Variants in MGAT3 observed in about 807,000 individuals in gnomAD.
MGAT3 encodes GlcNAc-T III.
MGAT3 carries 9 observed loss-of-function variants against 29.8 expected under a neutral mutation model. The ratio of observed to expected loss-of-function variants is 0.30; its 90% CI spans 0.18 to 0.53. MGAT3 has a LOEUF of 0.53. MGAT3 is among the 20% of genes least tolerant of loss of function. The probability of loss-of-function intolerance (pLI) is 0.96; values close to 1 mark genes in which losing one functional copy is unlikely to be tolerated. For synonymous variants in MGAT3, 397 were observed against 348.9 expected (o/e 1.14, Z -1.54); for missense variants, 557 against 769.5 (o/e 0.72, Z 3.27).
At chr22:39,467,087 T>C (rs1928669467) in intron 1 of MGAT3, among the ~76,000 whole-genome samples, 1 of 152,258 alleles carries the variant, frequency 6.6e-6, no homozygotes, top group Admixed American at 6.5e-5. Flanking sequence ...TACATGTGTA[T>C]GCACACAGCA....
chr22:39,461,129 A>G (rs1928486375), intron 1 of MGAT3, among the ~76,000 whole-genome samples: 1 of 152,060 alleles, frequency 6.6e-6, no homozygotes, highest in South Asian at 2.1e-4. Flanking sequence ...TCCTCCCCAT[A>G]TGGCTGATTT....
At chr22:39,474,870 C>A (rs1224488120) in intron 1 of MGAT3, among the ~76,000 whole-genome samples, 2 of 152,220 alleles carry the variant, frequency 1.3e-5, no homozygotes, top group African/African-American at 4.8e-5. Flanking sequence ...GCCCTCGGGC[C>A]CTCCTGAAAT....
intron 1 of MGAT3, among the ~76,000 whole-genome samples, chr22:39,458,028 T>C (rs1383094652): frequency 6.6e-6 from 1 of 151,924 alleles, no homozygotes; most frequent in African/African-American, 2.4e-5. Flanking sequence ...CCAAGCGCAG[T>C]CGGGGGCTGG....
At chr22:39,460,983 C>T (rs1314138695) in intron 1 of MGAT3, among the ~76,000 whole-genome samples, 10 of 152,080 alleles carry the variant, frequency 6.6e-5, no homozygotes, top group Non-Finnish European at 1.2e-4. Flanking sequence ...CTGATGTCTT[C>T]CTTTTCTGAC....
chr22:39,463,127 C>T (rs994783440), intron 1 of MGAT3, among the ~76,000 whole-genome samples: 4 of 152,200 alleles, frequency 2.6e-5, no homozygotes, highest in African/African-American at 4.8e-5. Context: ...CCTTGGCCTC[C>T]GGGTCATCAT....
Position 39,487,212 on chromosome 22 carries a change from T to C in MGAT3, c.-1-135T>C. The C allele has an allele frequency of 2.2e-6, 2 of 920,890 alleles. No homozygotes were observed. Among genetic ancestry groups the C allele is most frequent in the Non-Finnish European group, 3.3e-6 (2 of 606,406 alleles). 57.0% of individuals were successfully genotyped at this position (920,890 alleles called of 1,614,324 possible). On this transcript the variant is annotated intron_variant, in intron 1 of 1. Coordinates refer to ENST00000341184, the MANE Select transcript of MGAT3 (RefSeq NM_002409.5). This position sits in a 1 kb window ranked among gnomAD's most constrained non-coding sequence, Gnocchi z 5.7. ...CGAGTTGACTCTTGGGGGCAGGAGG[T>C]CACTCCATGCAGGGGCAGCAGGTGC...
Position 39,487,684 on chromosome 22 carries a change from G to A in MGAT3, c.337G>A (p.Ala113Thr), listed in dbSNP as rs1435992202. The A allele has an allele frequency of 1.9e-6, 3 of 1,597,802 alleles. No homozygotes were observed. Among genetic ancestry groups the A allele is most frequent in the Non-Finnish European group, 2.6e-6 (3 of 1,171,868 alleles). Residue 113 changes from alanine (A) to threonine (T), a missense_variant, in exon 2 of 2, where the codon GCC becomes ACC. This residue lies in a region of MGAT3 where 212 missense variants were observed against 228.5 expected (regional missense o/e 0.93). Transcript: ENST00000341184. The surrounding 1 kb of genome is among the most constrained non-coding windows in gnomAD (Gnocchi z 5.7). ...DTTEYFVRTK[A>T]GGVCFKPGTK... ...CACCGAGTATTTCGTGCGCACCAAG[G>A]CCGGCGGCGTCTGCTTCAAACCCGG... is the stretch of plus-strand genomic sequence containing the variant.
At chr22:39,485,299 G>T (rs2145726072) in intron 1 of MGAT3, among the ~76,000 whole-genome samples, 1 of 152,304 alleles carries the variant, frequency 6.6e-6, no homozygotes, top group African/African-American at 2.4e-5. Context: ...GTGCTCTGTG[G>T]CTGCACGGCT....
At chr22:39,479,475 T>C (rs1929061737) in intron 1 of MGAT3, among the ~76,000 whole-genome samples, 3 of 152,158 alleles carry the variant, frequency 2.0e-5, no homozygotes, top group Non-Finnish European at 4.4e-5. Context: ...TCCCAGCCCC[T>C]GGCCCCTCCC....
Position 39,488,313 on chromosome 22 carries a change from G to C in MGAT3, c.966G>C (p.Pro322=). 1 of 1,611,812 alleles carries C rather than the reference G, an allele frequency of 6.2e-7. No individual in the cohort carries two copies. Among genetic ancestry groups the C allele is most frequent in the Non-Finnish European group, 8.5e-7 (1 of 1,180,006 alleles). The change falls in exon 2 of 2, where the codon CCG becomes CCC. Residue 322 remains proline (P), a synonymous_variant. Transcript: ENST00000341184. ...TCATTGACGATGCGGACGAGATCCC[G>C]GCCCGTGACGGCGTCCTTTTCCTCA... The part of the protein sequence containing the change: ...VFIIDDADEI[P]ARDGVLFLKL...
chr22:39,476,785 A>C (rs537736013), intron 1 of MGAT3: 21 of 152,298 alleles, frequency 1.4e-4, no homozygotes, highest in African/African-American at 4.3e-4. Context: ...TGCAAAATGG[A>C]GACACACATA....
intron 1 of MGAT3, chr22:39,476,444 A>C (rs1928966517): frequency 6.6e-6 from 1 of 152,318 alleles, no homozygotes; most frequent in South Asian, 2.1e-4. Context: ...TGGGCACAGC[A>C]GAAGCTGTCT....
intron 1 of MGAT3, among the ~76,000 whole-genome samples, chr22:39,469,106 C>G (rs2145714387): frequency 6.8e-6 from 1 of 146,036 alleles, no homozygotes; most frequent in Admixed American, 6.9e-5. Flanking sequence ...GGACTGACTG[C>G]CTTGGTGGTG....
rs776996531 is a variant in MGAT3, at chr22:39,487,530, C to T, written c.183C>T (p.Ser61=). Residue 61 remains serine, a synonymous_variant, in exon 2 of 2, where the codon AGC becomes AGT. Transcript: ENST00000341184. The surrounding 1 kb of genome is among the most constrained non-coding windows in gnomAD (Gnocchi z 5.7). ...ATGCCCCGGTCACGCCCCAGGCCAG[C>T]CCCGAGCCAGGAGGCCCTGACCTGC... ...WNNAPVTPQA[S]PEPGGPDLLR... 4 of 1,613,168 alleles carry T rather than the reference C, an allele frequency of 2.5e-6. No homozygotes were observed. The highest frequency in any genetic ancestry group is 3.4e-6 in the Non-Finnish European group (4 of 1,180,012).
At chr22:39,472,246 A>G (rs951114872) in intron 1 of MGAT3, among the ~76,000 whole-genome samples, 1 of 152,106 alleles carries the variant, frequency 6.6e-6, no homozygotes, top group African/African-American at 2.4e-5. Context: ...CCAAAAGGCT[A>G]TGGACTCCTG....
At chr22:39,472,058 C>T (rs913453797) in intron 1 of MGAT3, among the ~76,000 whole-genome samples, 1 of 152,040 alleles carries the variant, frequency 6.6e-6, no homozygotes, top group Non-Finnish European at 1.5e-5. Context: ...AGCCTCCTTC[C>T]AGGGTAGGGT....
chr22:39,472,329 C>T (rs919985962), intron 1 of MGAT3, among the ~76,000 whole-genome samples: 3 of 152,188 alleles, frequency 2.0e-5, no homozygotes, highest in Non-Finnish European at 4.4e-5. Context: ...GGTACTTTGT[C>T]AGAGACTCGG....
In MGAT3 at chr22:39,462,048, C is replaced by T. The variant is rs150276089; in HGVS notation, c.-2+4491C>T. Among the ~76,000 whole-genome samples the T allele has an allele frequency of 8.4e-3, 1,285 of 152,224 alleles. 23 individuals carry two copies. Among genetic ancestry groups the T allele is most frequent in the East Asian group, 0.043 (223 of 5,178 alleles). The stretch of plus-strand genomic sequence containing the variant: ...TCCCGAGCAGCTGGGAGTATAGGCA[C>T]GTGCCACCATGCCCAGCTAATTTTT... On this transcript the variant is annotated intron_variant, in intron 1 of 1. Coordinates refer to ENST00000341184, the MANE Select transcript of MGAT3 (RefSeq NM_002409.5).
chr22:39,488,358 C>T lies in MGAT3; in HGVS notation c.1011C>T (p.Thr337=), dbSNP rs774261304. The T allele has an allele frequency of 3.1e-6, 5 of 1,612,452 alleles. No homozygotes were observed. The highest frequency in any genetic ancestry group is 3.3e-5 in the Admixed American group (2 of 60,012). ...VLFLKLYDGW[T]EPFAFHMRKS... ...TCCTCAAGCTCTACGATGGCTGGAC[C>T]GAGCCCTTCGCCTTCCACATGCGCA... Residue 337 remains threonine (T), a synonymous_variant, in exon 2 of 2, where the codon ACC becomes ACT. Transcript: ENST00000341184.
Sources: allele counts gnomAD v4.1 joint callset (sites outside exome capture counted in the v4.1 genomes callset), GRCh38; gene constraint gnomAD v4.1.1; regional missense constraint gnomAD v4.1.1; non-coding constraint Gnocchi (gnomAD v3.1); transcripts MANE v1.5; gene names NCBI Gene and HGNC (gene_info 2026-07-23, HGNC 2026-07-21).